Variants in UNC5A observed in about 807,000 individuals in gnomAD.
UNC5A encodes the protein unc-5 netrin receptor A, also known as netrin receptor UNC5A.
A neutral mutation model predicts 87.4 loss-of-function variants in UNC5A; 20 were observed. That is an observed-to-expected ratio of 0.23 (90% CI 0.16 to 0.33). The LOEUF (loss-of-function observed/expected upper bound fraction) is 0.33, where lower values mean the gene tolerates loss of function less well. UNC5A is among the 10% of genes least tolerant of loss of function. UNC5A has a pLI of 1.00. For missense variants in UNC5A, 844 were observed against 1,133.4 expected (o/e 0.74, Z 3.67); for synonymous variants, 438 against 482.3 (o/e 0.91, Z 1.20).
At chr5:176,870,348 T>C (rs1318219663) in intron 5 of UNC5A, 22 bp from the exon 6 acceptor site, 1 of 1,609,280 alleles carries the variant, frequency 6.2e-7, no homozygotes, top group Non-Finnish European at 8.5e-7. Flanking sequence ...CACCGTCTCC[T>C]CTCTGCTTGT....
In UNC5A at chr5:176,869,691, C is replaced by T. The variant is rs945785493; in HGVS notation, c.722-679C>T. ...TGGGCGCGGCTGGCAGAAACGGAGC[C>T]GGAGCTGCACCAACCCGGCGCCTCT... On this transcript the variant is annotated intron_variant, in intron 5 of 14. Coordinates refer to ENST00000329542, the MANE Select transcript of UNC5A (RefSeq NM_133369.3). This position sits in a 1 kb window ranked among gnomAD's most constrained non-coding sequence, Gnocchi z 9.1. 1.9e-5 allele frequency: 13 copies of T among 691,218 alleles called. No individual in the cohort carries two copies. Among genetic ancestry groups the T allele is most frequent in the African/African-American group, 8.8e-5 (5 of 56,788 alleles). 42.8% of individuals were successfully genotyped at this position (691,218 alleles called of 1,614,324 possible).
intron 13 of UNC5A, among the ~76,000 whole-genome samples, chr5:176,878,881 C>T (rs1267943900): frequency 6.6e-6 from 1 of 152,142 alleles, no homozygotes; most frequent in Non-Finnish European, 1.5e-5. Flanking sequence ...GGAGGGGAGA[C>T]CCTGGAGGGC....
rs1439223227 is a variant in UNC5A, at chr5:176,844,680, C to T, written c.71-17944C>T. The stretch of plus-strand genomic sequence containing the variant: ...CAACTTCCTAGTCTTTAAATGCTGC[C>T]TTAAACCTCCTACATCACACCCAGG... On this transcript the variant is annotated intron_variant, in intron 1 of 14. Transcript: ENST00000329542. This position sits in a 1 kb window ranked among gnomAD's most constrained non-coding sequence, Gnocchi z 4.2. Among the ~76,000 whole-genome samples, 1 of 152,208 alleles carries T rather than the reference C, an allele frequency of 6.6e-6. No individual in the cohort carries two copies. The highest frequency in any genetic ancestry group is 2.4e-5 in the African/African-American group (1 of 41,438).
At chr5:176,820,635 G>T (rs1421396385) in intron 1 of UNC5A, among the ~76,000 whole-genome samples, 1 of 152,204 alleles carries the variant, frequency 6.6e-6, no homozygotes, top group Non-Finnish European at 1.5e-5. Context: ...GGTCCATGGG[G>T]ATCCCAGCAG....
At chr5:176,862,876 A>C in intron 2 of UNC5A, 31 bp downstream of exon 2, 1 of 1,609,168 alleles carries the variant, frequency 6.2e-7, no homozygotes, top group South Asian at 1.1e-5. Flanking sequence ...GGCAGGGCCA[A>C]TCCGGGGGAG....
chr5:176,810,808 C>T lies in UNC5A; in HGVS notation c.58C>T (p.Leu20Phe). 2 of 1,222,222 alleles carry T rather than the reference C, an allele frequency of 1.6e-6. No individual in the cohort carries two copies. Among genetic ancestry groups the T allele is most frequent in the Non-Finnish European group, 2.0e-6 (2 of 981,666 alleles). The allele number at this position is 1,222,222 out of a possible 1,614,324, so 75.7% of individuals were successfully genotyped here. Residue 20 changes from leucine to phenylalanine, a missense_variant, in exon 1 of 15, where the codon CTC (leucine) becomes TTC (phenylalanine). By Grantham distance (22) the Leu-to-Phe change is conservative. Coordinates refer to ENST00000329542, the MANE Select transcript of UNC5A (RefSeq NM_133369.3). This position sits in a 1 kb window ranked among gnomAD's most constrained non-coding sequence, Gnocchi z 7.3. ...CCTGGGCATAGTCCTCGCCGCTTGG[C>T]TCCGCGGCTCGGGTGAGTCACGCCG... is the stretch of plus-strand genomic sequence containing the variant. ...ALLGIVLAAWLRGSGAQQSAT... is the reference protein window; with the variant it reads ...ALLGIVLAAWFRGSGAQQSAT...
intron 1 of UNC5A, among the ~76,000 whole-genome samples, chr5:176,850,312 G>A (rs529180082): frequency 6.6e-6 from 1 of 152,332 alleles, no homozygotes; most frequent in East Asian, 1.9e-4. Context: ...TAGTTGTATG[G>A]GAACCATTGC....
At chr5:176,812,025 C>T (rs1022396000) in intron 1 of UNC5A, among the ~76,000 whole-genome samples, 1 of 152,072 alleles carries the variant, frequency 6.6e-6, no homozygotes, top group Non-Finnish European at 1.5e-5. Flanking sequence ...CACTGCCTGA[C>T]CGCCCGCCCC....
chr5:176,874,300 GCAC>G lies in UNC5A; in HGVS notation c.1126_1128del (p.Thr376del), dbSNP rs771611103. 30 of 1,605,574 alleles carry G rather than the reference GCAC, an allele frequency of 1.9e-5. No homozygotes were observed. Among genetic ancestry groups the G allele is most frequent in the Admixed American group, 5.1e-5 (3 of 59,342 alleles). On this transcript the variant is annotated inframe_deletion, in exon 8 of 15. Coordinates refer to ENST00000329542, the MANE Select transcript of UNC5A (RefSeq NM_133369.3). This position sits in a 1 kb window ranked among gnomAD's most constrained non-coding sequence, Gnocchi z 7.6. ...CTGCTCACCATCCAGCCGGACCTCA[GCAC>G]CACCACCACCACCTACCAGGGCAGT...
At chr5:176,826,885 C>T (rs924316988) in intron 1 of UNC5A, among the ~76,000 whole-genome samples, 3 of 152,018 alleles carry the variant, frequency 2.0e-5, no homozygotes, top group African/African-American at 4.8e-5. Flanking sequence ...GTGATCTGCC[C>T]GTCTCGGCCT....
chr5:176,823,676 C>T (rs1435402925), intron 1 of UNC5A, among the ~76,000 whole-genome samples: 1 of 151,434 alleles, frequency 6.6e-6, no homozygotes, highest in Non-Finnish European at 1.5e-5. Flanking sequence ...AGAGCCTCCA[C>T]AGGGGGGCTC....
In UNC5A at chr5:176,824,710, C is replaced by T. The variant is rs552499965; in HGVS notation, c.70+13890C>T. ...ATGCCACTTTGGCAGATGAACACCC[C>T]CTACTGCTAGGTGCCTCCATGCCCA... On this transcript the variant is annotated intron_variant, in intron 1 of 14. Transcript: ENST00000329542. The surrounding 1 kb of genome is among the most constrained non-coding windows in gnomAD (Gnocchi z 4.2). Among the ~76,000 whole-genome samples the T allele has an allele frequency of 2.6e-5, 4 of 152,086 alleles. No individual in the cohort carries two copies. The highest frequency in any genetic ancestry group is 1.9e-4 in the East Asian group (1 of 5,184).
chr5:176,829,145 AAAAG>A, intron 1 of UNC5A, among the ~76,000 whole-genome samples: 1 of 142,060 alleles, frequency 7.0e-6, no homozygotes, highest in Non-Finnish European at 1.5e-5. Flanking sequence ...AAAAAAAAAA[AAAAG>A]AAAGAAAGAT....
At position 176,877,212 on chromosome 5, in the gene UNC5A, C is replaced by T. The variant is rs988507983; in HGVS notation, c.1399C>T (p.Pro467Ser). 8.7e-6 allele frequency: 14 copies of T among 1,612,708 alleles called. No homozygotes were observed. The highest frequency in any genetic ancestry group is 1.2e-5 in the Non-Finnish European group (14 of 1,179,630). The change falls in exon 9 of 15, where the codon CCA becomes TCA. Residue 467 changes from proline (P) to serine (S), a missense_variant. Transcript: ENST00000329542. ...PNTGISLLIP[P>S]DAIPRGKIYE... ...TCCAGGAATCAGCCTCCTCATCCCCCCAGATGCCATACCCCGAGGGAAGAT... is the reference window on the plus strand; with the variant it reads ...TCCAGGAATCAGCCTCCTCATCCCCTCAGATGCCATACCCCGAGGGAAGAT...
At chr5:176,829,114 AG>A (rs1469894311) in intron 1 of UNC5A, among the ~76,000 whole-genome samples, 2 of 144,048 alleles carry the variant, frequency 1.4e-5, no homozygotes, top group African/African-American at 5.1e-5. Context: ...CCTGGGCAAC[AG>A]AGCGAGACTC....
chr5:176,817,590 C>T (rs1360107732), intron 1 of UNC5A, among the ~76,000 whole-genome samples: 16 of 152,126 alleles, frequency 1.1e-4, no homozygotes, highest in Admixed American at 6.5e-4. Context: ...CCACCCCCGC[C>T]CAAACAAATG....
At chr5:176,839,312 A>G (rs776824495) in intron 1 of UNC5A, among the ~76,000 whole-genome samples, 67 of 152,388 alleles carry the variant, frequency 4.4e-4, no homozygotes, top group Non-Finnish European at 6.0e-4. Context: ...CCATGAGCAC[A>G]TCGGAAGAAG....
chr5:176,878,091 G>T lies in UNC5A; in HGVS notation c.1833G>T (p.Arg611=), dbSNP rs1490572441. The change falls in exon 11 of 15, where the codon CGG becomes CGT. Residue 611 remains arginine, a synonymous_variant. Coordinates refer to ENST00000329542, the MANE Select transcript of UNC5A (RefSeq NM_133369.3). ...VACTSLEYNI[R]VYCLHDTHDA... ...GCACCTCCCTCGAGTACAACATCCG[G>T]GTCTACTGCCTGCATGACACCCACG... 6.2e-7 allele frequency: 1 copy of T among 1,609,670 alleles called. No homozygotes were observed. The highest frequency in any genetic ancestry group is 8.5e-7 in the Non-Finnish European group (1 of 1,179,932).
At position 176,868,878 on chromosome 5, in the gene UNC5A, G is replaced by C. The variant is rs767490058; in HGVS notation, c.635G>C (p.Arg212Pro). ...REHSLVVRQA[R>P]LADTANYTCV... ...CACAGCCTGGTGGTGCGACAGGCCC[G>C]CCTTGCTGACACGGCCAACTACACC... Residue 212 changes from arginine (R) to proline (P), a missense_variant, in exon 5 of 15, where the codon CGC becomes CCC. Arg to Pro is a moderately radical substitution (Grantham distance 103). This residue lies in a region of UNC5A where 314 missense variants were observed against 466.5 expected (regional missense o/e 0.67). Transcript: ENST00000329542. 1 of 1,612,738 alleles carries C rather than the reference G, an allele frequency of 6.2e-7. No homozygotes were observed. The highest frequency in any genetic ancestry group is 1.3e-5 in the African/African-American group (1 of 74,928).
Sources: gnomAD v4.1 joint callset for allele counts (sites outside exome capture counted in the v4.1 genomes callset) on GRCh38, gnomAD v4.1.1 for gene constraint, gnomAD v4.1.1 regional missense constraint, Gnocchi (gnomAD v3.1) non-coding constraint, MANE v1.5 for transcripts, NCBI Gene and HGNC (gene_info 2026-07-23, HGNC 2026-07-21) for gene names.